Variants in ZNF438 observed in about 807,000 individuals in gnomAD.
The protein encoded by ZNF438 is zinc finger protein 438.
Under a neutral mutation model 38.0 loss-of-function variants are expected in ZNF438, and 25 were observed. The ratio of observed to expected loss-of-function variants is 0.66; its 90% confidence interval spans 0.48 to 0.92. The LOEUF (loss-of-function observed/expected upper bound fraction) is 0.92, where lower values mean the gene tolerates loss of function less well. ZNF438 is among the 40% of genes least tolerant of loss of function. The probability of loss-of-function intolerance (pLI) is 0.00; values close to 1 mark genes in which losing one functional copy is unlikely to be tolerated. For synonymous variants in ZNF438, 372 were observed against 364.1 expected (o/e 1.02, Z -0.25); for missense variants, 1,007 against 999.6 (o/e 1.01, Z -0.10).
intron 4 of ZNF438, among the ~76,000 whole-genome samples, chr10:30,863,989 T>A (rs1748475368): frequency 6.6e-6 from 1 of 152,152 alleles, no homozygotes. Flanking sequence ...CGGCCCACAT[T>A]CCTTCCTCTG....
At chr10:30,983,729 T>A (rs1025733714) in intron 1 of ZNF438, among the ~76,000 whole-genome samples, 6 of 152,242 alleles carry the variant, frequency 3.9e-5, no homozygotes, top group African/African-American at 1.2e-4. Context: ...TTATTTTTTT[T>A]ATTTTTTTAA....
chr10:30,963,954 T>C (rs1388916548), intron 1 of ZNF438, among the ~76,000 whole-genome samples: 9 of 152,190 alleles, frequency 5.9e-5, no homozygotes, highest in Non-Finnish European at 1.3e-4. Context: ...AACTTTTCAG[T>C]GTATCTTATT....
At chr10:31,000,363 G>A (rs183084951) in intron 1 of ZNF438, among the ~76,000 whole-genome samples, 35 of 152,302 alleles carry the variant, frequency 2.3e-4, no homozygotes, top group Admixed American at 1.1e-3. Context: ...AGGCCCCACT[G>A]CCAGACCTAT....
chr10:31,022,761 C>T (rs2056689463), intron 1 of ZNF438, among the ~76,000 whole-genome samples: 1 of 152,170 alleles, frequency 6.6e-6, no homozygotes, highest in Non-Finnish European at 1.5e-5. Context: ...ATGAAGTTTG[C>T]CTCATCCGCC....
intron 3 of ZNF438, among the ~76,000 whole-genome samples, chr10:30,893,817 G>T (rs1462410918): frequency 6.6e-6 from 1 of 152,106 alleles, no homozygotes. Flanking sequence ...CATTAATTTT[G>T]CTGTCATTAT....
chr10:30,855,697 T>C (rs925209049), intron 4 of ZNF438, among the ~76,000 whole-genome samples: 3 of 152,166 alleles, frequency 2.0e-5, no homozygotes, highest in Non-Finnish European at 4.4e-5. Flanking sequence ...AACCATACAA[T>C]GTAATACCAC....
intron 4 of ZNF438, 59 bp downstream of exon 5, chr10:30,876,939 A>G: frequency 7.4e-7 from 1 of 1,344,080 alleles, no homozygotes; most frequent in Non-Finnish European, 1.0e-6. Flanking sequence ...ATGACATTCA[A>G]TGTATCAAAT....
At chr10:30,901,250 A>G (rs1315268647) in intron 3 of ZNF438, among the ~76,000 whole-genome samples, 1 of 152,244 alleles carries the variant, frequency 6.6e-6, no homozygotes, top group Non-Finnish European at 1.5e-5. Flanking sequence ...TTCAGGGATC[A>G]TATGAAAACG....
intron 1 of ZNF438, among the ~76,000 whole-genome samples, chr10:31,015,370 G>A (rs1021564494): frequency 8.5e-5 from 13 of 152,148 alleles, no homozygotes; most frequent in East Asian, 1.9e-4. Context: ...ATGGCCGGAC[G>A]TGGTGGCTCA....
intron 4 of ZNF438, among the ~76,000 whole-genome samples, chr10:30,863,973 T>C (rs1471691698): frequency 6.6e-6 from 1 of 152,174 alleles, no homozygotes; most frequent in East Asian, 1.9e-4. Context: ...CCTAAGAGAC[T>C]CTTGGCGGCC....
chr10:31,011,462 G>A (rs765919113), intron 1 of ZNF438, among the ~76,000 whole-genome samples: 3 of 152,174 alleles, frequency 2.0e-5, no homozygotes, highest in Non-Finnish European at 2.9e-5. Context: ...TCTTGGCCAG[G>A]AAGACAACAA....
intron 2 of ZNF438, among the ~76,000 whole-genome samples, chr10:30,915,773 T>C (rs185445612): frequency 3.3e-5 from 5 of 152,222 alleles, no homozygotes; most frequent in Admixed American, 3.3e-4. Flanking sequence ...TCATTCTCCA[T>C]GACCTGGTTT....
chr10:30,925,964 A>G (rs2044863481), intron 2 of ZNF438, among the ~76,000 whole-genome samples: 1 of 152,210 alleles, frequency 6.6e-6, no homozygotes. Flanking sequence ...AAAAAAACTA[A>G]AACATATGGT....
Position 30,951,474 on chromosome 10 carries a change from C to T in ZNF438, c.-191-9823G>A, listed in dbSNP as rs573206081. On this transcript the variant is annotated intron_variant, in intron 1 of 5. Transcript: ENST00000413025. ...AAGTCAAATTGTACCTGTTTGCAGA[C>T]GACATGATTGTATATCCAGAAAACC... 2.3e-3 allele frequency among the ~76,000 whole-genome samples: 350 copies of T among 152,092 alleles called. 9 individuals are homozygous for T. Among genetic ancestry groups the T allele is most frequent in the East Asian group, 0.018 (95 of 5,170 alleles).
intron 1 of ZNF438, among the ~76,000 whole-genome samples, chr10:31,014,130 T>G (rs1489757336): frequency 6.6e-6 from 1 of 152,218 alleles, no homozygotes; most frequent in Non-Finnish European, 1.5e-5. Context: ...TTTTGGTCCC[T>G]TCTTTGCAGT....
At chr10:30,854,935 A>G (rs1411668014) in intron 4 of ZNF438, among the ~76,000 whole-genome samples, 1 of 152,222 alleles carries the variant, frequency 6.6e-6, no homozygotes, top group Non-Finnish European at 1.5e-5. Context: ...GTCACCTCGA[A>G]GTCTCTAAAG....
At chr10:31,002,482 C>G (rs1391559605) in intron 1 of ZNF438, among the ~76,000 whole-genome samples, 1 of 152,120 alleles carries the variant, frequency 6.6e-6, no homozygotes, top group Non-Finnish European at 1.5e-5. Flanking sequence ...AGTTTTCCCT[C>G]TAATACTGAG....
intron 1 of ZNF438, among the ~76,000 whole-genome samples, chr10:30,944,615 G>A (rs959212428): frequency 2.0e-5 from 3 of 152,128 alleles, no homozygotes; most frequent in African/African-American, 7.2e-5. Flanking sequence ...CTAGAGGTGG[G>A]GAGATTTCTA....
At chr10:31,027,852 A>G (rs2057040630) in intron 1 of ZNF438, among the ~76,000 whole-genome samples, 1 of 152,158 alleles carries the variant, frequency 6.6e-6, no homozygotes, top group South Asian at 2.1e-4. Context: ...GCTTAAAACA[A>G]AATATAATTT....
Sources: gnomAD v4.1 joint callset for allele counts (sites outside exome capture counted in the v4.1 genomes callset) on GRCh38, gnomAD v4.1.1 for gene constraint, MANE v1.5 for transcripts, NCBI Gene and HGNC (gene_info 2026-07-23, HGNC 2026-07-21) for gene names.